The following NBEA variants were observed in gnomAD, a reference collection of about 807,000 sequenced individuals.
NBEA encodes neurobeachin, also known as lysosomal-trafficking regulator 2.
Under a neutral mutation model 343.4 loss-of-function variants are expected in NBEA, and 44 were observed. That is an observed-to-expected ratio of 0.13 (90% CI 0.10 to 0.16). The LOEUF is 0.16. NBEA is among the 10% of genes least tolerant of loss of function. The pLI, the probability that NBEA is intolerant of heterozygous loss-of-function variation, is 1.00. For missense variants in NBEA, 2,555 were observed against 3,631.3 expected, an observed-to-expected ratio of 0.70 and a Z score of 7.62; for synonymous variants, 1,175 against 1,238.7, an observed-to-expected ratio of 0.95 and a Z score of 1.08.
intron 36 of NBEA, among the ~76,000 whole-genome samples, chr13:35,318,116 G>A (rs1444125479): frequency 6.6e-6 from 1 of 152,024 alleles, no homozygotes. Context: ...TGATTGCCCT[G>A]GCCAGAACTT....
At chr13:35,664,681 C>G (rs1285861258) in intron 55 of NBEA, among the ~76,000 whole-genome samples, 1 of 152,218 alleles carries the variant, frequency 6.6e-6, no homozygotes, top group Non-Finnish European at 1.5e-5. Flanking sequence ...CCTTGCAAAG[C>G]CTTGGGTGTC....
Position 34,942,779 on chromosome 13 carries a change from G to GGCA in NBEA, c.-39_-37dup. 7.7e-7 allele frequency: 1 copy of GGCA among 1,304,064 alleles called. No individual in the cohort carries two copies. Among genetic ancestry groups the GGCA allele is most frequent in the Non-Finnish European group, 9.7e-7 (1 of 1,026,450 alleles). 80.8% of individuals were successfully genotyped at this position (1,304,064 alleles called of 1,614,324 possible). ...AGGCAGGTATAACGGTACCGGCGGC[G>GGCA]GCAGCGCCGCTGCTCTTCCCTTCTC... On this transcript the variant is annotated 5_prime_UTR_variant, in exon 1 of 59. Coordinates refer to ENST00000379939, the MANE Select transcript of NBEA (RefSeq NM_001385012.1).
At chr13:35,533,518 T>A (rs1166624717) in intron 41 of NBEA, among the ~76,000 whole-genome samples, 1 of 152,142 alleles carries the variant, frequency 6.6e-6, no homozygotes, top group African/African-American at 2.4e-5. Context: ...CTCCTAAATA[T>A]TAGTGTCATT....
chr13:35,444,828 A>C (rs971746964), intron 39 of NBEA, among the ~76,000 whole-genome samples: 1 of 152,130 alleles, frequency 6.6e-6, no homozygotes, highest in Non-Finnish European at 1.5e-5. Context: ...TGTCAAATAC[A>C]TTGGTGCTTT....
chr13:35,510,701 A>T (rs1029915223), intron 41 of NBEA, among the ~76,000 whole-genome samples: 2 of 152,250 alleles, frequency 1.3e-5, no homozygotes, highest in Non-Finnish European at 2.9e-5. Flanking sequence ...TTTACTGAGC[A>T]TCTGACTAGG....
intron 38 of NBEA, among the ~76,000 whole-genome samples, chr13:35,363,781 C>G (rs1221627813): frequency 6.6e-6 from 1 of 151,850 alleles, no homozygotes; most frequent in Non-Finnish European, 1.5e-5. Flanking sequence ...ATGTTTGAAC[C>G]TCTGACAGTT....
At chr13:35,323,143 C>A (rs1224608333) in intron 36 of NBEA, among the ~76,000 whole-genome samples, 1 of 152,172 alleles carries the variant, frequency 6.6e-6, no homozygotes, top group Non-Finnish European at 1.5e-5. Flanking sequence ...AGCCACCATG[C>A]CCAGCCTAAA....
chr13:34,979,255 C>A (rs1490647576), intron 1 of NBEA, among the ~76,000 whole-genome samples: 6 of 152,112 alleles, frequency 3.9e-5, no homozygotes, highest in African/African-American at 1.4e-4. Context: ...GGTTGCTGGG[C>A]ACAGTGGTTC....
intron 38 of NBEA, among the ~76,000 whole-genome samples, chr13:35,407,367 T>C (rs1202471717): frequency 6.6e-6 from 1 of 152,110 alleles, no homozygotes; most frequent in African/African-American, 2.4e-5. Flanking sequence ...TAGGGAATGA[T>C]AACCAAGAGA....
intron 30 of NBEA, among the ~76,000 whole-genome samples, chr13:35,192,925 T>C (rs2072304912): frequency 6.6e-6 from 1 of 151,990 alleles, no homozygotes; most frequent in Admixed American, 6.6e-5. Context: ...TTAGACATTA[T>C]ATTAATGGAA....
chr13:35,289,534 A>C (rs1039991914), intron 34 of NBEA, among the ~76,000 whole-genome samples: 2 of 151,922 alleles, frequency 1.3e-5, no homozygotes, highest in Non-Finnish European at 2.9e-5. Context: ...GTTATACAGC[A>C]GTCATACTTT....
At chr13:35,158,947 T>G in intron 21 of NBEA, 69 bp from the exon 22 acceptor site, 3 of 1,288,792 alleles carry the variant, frequency 2.3e-6, no homozygotes, top group Non-Finnish European at 2.1e-6. Context: ...ACAATTTAAT[T>G]TGTATTATTT....
chr13:35,322,991 A>G (rs2038272990), intron 36 of NBEA, among the ~76,000 whole-genome samples: 1 of 152,076 alleles, frequency 6.6e-6, no homozygotes, highest in African/African-American at 2.4e-5. Context: ...CTGGGACTAT[A>G]GGCACGAGCC....
chr13:35,320,552 T>G (rs767212627), intron 36 of NBEA, among the ~76,000 whole-genome samples: 7 of 152,198 alleles, frequency 4.6e-5, no homozygotes, highest in Non-Finnish European at 7.3e-5. Context: ...TCAACCTTGG[T>G]GAATCTGAAG....
intron 55 of NBEA, among the ~76,000 whole-genome samples, chr13:35,657,604 A>C (rs988288799): frequency 7.9e-5 from 12 of 152,220 alleles, no homozygotes; most frequent in Non-Finnish European, 1.6e-4. Context: ...AGAATGGTAC[A>C]TTATCAAGTA....
At chr13:35,249,178 A>G (rs142980884) in intron 34 of NBEA, among the ~76,000 whole-genome samples, 4,613 of 150,332 alleles carry the variant, frequency 0.031, 99 homozygotes, top group Non-Finnish European at 0.045. Context: ...AAAAAGCTTC[A>G]TGACATTGAT....
At chr13:35,608,598 G>T (rs138376209) in intron 48 of NBEA, among the ~76,000 whole-genome samples, 183 of 152,274 alleles carry the variant, frequency 1.2e-3, no homozygotes, top group African/African-American at 4.3e-3. Context: ...ATTTCTGAGT[G>T]AATGAATGAA....
intron 30 of NBEA, 100 bp from the exon 31 acceptor site, chr13:35,195,764 A>G: frequency 8.9e-7 from 1 of 1,122,826 alleles, no homozygotes; most frequent in Non-Finnish European, 1.2e-6. Flanking sequence ...TTGTTTCTAC[A>G]GGTTTTGTTT....
intron 1 of NBEA, among the ~76,000 whole-genome samples, chr13:34,950,867 T>C (rs908434594): frequency 1.3e-5 from 2 of 152,030 alleles, no homozygotes; most frequent in African/African-American, 4.8e-5. Flanking sequence ...GGTGGGAGGA[T>C]TGCTTGAGCC....
Sources: gnomAD v4.1 joint callset for allele counts (sites outside exome capture counted in the v4.1 genomes callset) on GRCh38, gnomAD v4.1.1 for gene constraint, MANE v1.5 for transcripts, NCBI Gene and HGNC (gene_info 2026-07-23, HGNC 2026-07-21) for gene names.